Variants in FSTL5 observed in about 807,000 individuals in gnomAD.
FSTL5 encodes the protein follistatin-related protein 5.
Under a neutral mutation model 89.1 loss-of-function variants are expected in FSTL5, and 62 were observed. That is an observed-to-expected ratio of 0.70 (90% confidence interval 0.57 to 0.86). The LOEUF (loss-of-function observed/expected upper bound fraction) is 0.86, where lower values mean the gene tolerates loss of function less well. Among genes scored for constraint, FSTL5 ranks in the 40% least tolerant of loss-of-function variants. FSTL5 has a pLI of 0.00. For synonymous variants in FSTL5, 383 were observed against 346.2 expected (o/e 1.11, Z -1.18); for missense variants, 1,057 against 1,001.6 (o/e 1.06, Z -0.75).
chr4:161,619,829 C>A (rs543646988), intron 7 of FSTL5, among the ~76,000 whole-genome samples: 1 of 152,146 alleles, frequency 6.6e-6, no homozygotes, highest in East Asian at 1.9e-4. Context: ...CCCAGCCATC[C>A]CATTACTGGG....
At chr4:161,390,870 C>T (rs1730799920) in intron 15 of FSTL5, among the ~76,000 whole-genome samples, 1 of 152,140 alleles carries the variant, frequency 6.6e-6, no homozygotes. Context: ...TACTGACTTT[C>T]AATGTTTACC....
chr4:161,764,447 C>T (rs1329669307), intron 5 of FSTL5, among the ~76,000 whole-genome samples: 2 of 151,920 alleles, frequency 1.3e-5, no homozygotes, highest in Non-Finnish European at 1.5e-5. Flanking sequence ...TTAGTAGAGA[C>T]GGGGTTTTAC....
chr4:162,103,790 G>C (rs1731096063), intron 2 of FSTL5, among the ~76,000 whole-genome samples: 1 of 152,172 alleles, frequency 6.6e-6, no homozygotes, highest in Non-Finnish European at 1.5e-5. Flanking sequence ...CTTTAAACAA[G>C]GGTCTTGCAA....
chr4:161,404,791 T>A (rs1179439247), intron 15 of FSTL5, among the ~76,000 whole-genome samples: 1 of 150,952 alleles, frequency 6.6e-6, no homozygotes, highest in Non-Finnish European at 1.5e-5. Context: ...ATTAAATGTG[T>A]TGAGTTTAAA....
At chr4:162,100,767 G>T (rs1028244279) in intron 2 of FSTL5, among the ~76,000 whole-genome samples, 1 of 152,036 alleles carries the variant, frequency 6.6e-6, no homozygotes. Flanking sequence ...GTGGGGGAGG[G>T]GGTATAGAGT....
chr4:161,789,575 T>C (rs977146914), intron 4 of FSTL5, among the ~76,000 whole-genome samples: 29 of 152,236 alleles, frequency 1.9e-4, no homozygotes, highest in African/African-American at 7.0e-4. Context: ...TTTTTCCATA[T>C]ACATTTGTGG....
At chr4:162,017,208 C>G (rs1014396539) in intron 3 of FSTL5, among the ~76,000 whole-genome samples, 25 of 152,088 alleles carry the variant, frequency 1.6e-4, no homozygotes, top group African/African-American at 6.0e-4. Flanking sequence ...GTGTGCAGAC[C>G]ACATAACAGA....
chr4:161,852,862 A>G (rs1362223426), intron 4 of FSTL5, among the ~76,000 whole-genome samples: 1 of 152,140 alleles, frequency 6.6e-6, no homozygotes, highest in African/African-American at 2.4e-5. Context: ...GAGGGAGAGC[A>G]TCAGGAAGAA....
intron 2 of FSTL5, among the ~76,000 whole-genome samples, chr4:162,107,805 C>G (rs1435719483): frequency 6.6e-6 from 1 of 152,084 alleles, no homozygotes; most frequent in East Asian, 1.9e-4. Context: ...GTCTGCCCTA[C>G]CTTTGCTTTT....
intron 1 of FSTL5, among the ~76,000 whole-genome samples, chr4:162,132,865 A>T (rs777723833): frequency 3.9e-5 from 6 of 152,252 alleles, no homozygotes; most frequent in Admixed American, 1.3e-4. Context: ...TTAGGTGATT[A>T]TAACTAATTT....
intron 4 of FSTL5, among the ~76,000 whole-genome samples, chr4:161,911,389 G>T (rs2110830157): frequency 6.6e-6 from 1 of 151,982 alleles, no homozygotes; most frequent in African/African-American, 2.4e-5. Context: ...ATTTCATCTT[G>T]GTCTAGAGAG....
At chr4:161,785,464 A>G (rs1456202160) in intron 4 of FSTL5, among the ~76,000 whole-genome samples, 1 of 152,188 alleles carries the variant, frequency 6.6e-6, no homozygotes, top group East Asian at 1.9e-4. Flanking sequence ...ATAATAATGA[A>G]AGGGATGACT....
At chr4:161,742,670 T>G (rs937375757) in intron 6 of FSTL5, among the ~76,000 whole-genome samples, 2 of 152,156 alleles carry the variant, frequency 1.3e-5, no homozygotes, top group Non-Finnish European at 2.9e-5. Context: ...AAGGATGGGT[T>G]GAAGAGACTA....
intron 11 of FSTL5, among the ~76,000 whole-genome samples, chr4:161,503,021 T>G (rs1730352270): frequency 6.6e-6 from 1 of 151,718 alleles, no homozygotes; most frequent in Non-Finnish European, 1.5e-5. Context: ...CAAAGAGGGA[T>G]GATAAATTTC....
intron 1 of FSTL5, among the ~76,000 whole-genome samples, chr4:162,126,899 A>G (rs72984792): frequency 0.098 from 14,842 of 152,136 alleles, 923 homozygotes; most frequent in African/African-American, 0.17. Flanking sequence ...TCTACCTCCA[A>G]TGCTGATACT....
intron 2 of FSTL5, among the ~76,000 whole-genome samples, chr4:162,072,589 A>C (rs1045413013): frequency 3.3e-5 from 5 of 151,874 alleles, no homozygotes; most frequent in Non-Finnish European, 5.9e-5. Flanking sequence ...GGCACCCCTC[A>C]GTGAAAACAT....
At chr4:161,676,683 A>C (rs146559316) in intron 6 of FSTL5, among the ~76,000 whole-genome samples, 40 of 151,990 alleles carry the variant, frequency 2.6e-4, no homozygotes, top group African/African-American at 9.4e-4. Context: ...AAGTAAATAA[A>C]TTAAAGACTC....
At chr4:161,927,897 C>G (rs182427069) in intron 3 of FSTL5, among the ~76,000 whole-genome samples, 1 of 151,718 alleles carries the variant, frequency 6.6e-6, no homozygotes, top group Non-Finnish European at 1.5e-5. Flanking sequence ...AACTGAATGG[C>G]AAGTACAGAG....
chr4:161,976,207 T>C (rs1194273480), intron 3 of FSTL5, among the ~76,000 whole-genome samples: 1 of 151,864 alleles, frequency 6.6e-6, no homozygotes, highest in Non-Finnish European at 1.5e-5. Context: ...AGCGTAAGCC[T>C]TCTTTCCTTT....
Sources: allele counts gnomAD v4.1 joint callset (sites outside exome capture counted in the v4.1 genomes callset), GRCh38; gene constraint gnomAD v4.1.1; transcripts MANE v1.5; gene names NCBI Gene and HGNC (gene_info 2026-07-23, HGNC 2026-07-21).